KIZ: variants seen among roughly 807,000 people sequenced by gnomAD.
KIZ encodes the protein kizuna centrosomal protein, also known as centrosomal protein kizuna.
KIZ carries 68 observed loss-of-function variants against 79.6 expected under a neutral mutation model. That is an observed-to-expected ratio of 0.85 (90% CI 0.70 to 1.05). KIZ has a LOEUF of 1.05. KIZ is among the 50% of genes least tolerant of loss of function. The pLI is 0.00. For missense variants in KIZ, 797 were observed against 800.4 expected, an observed-to-expected ratio of 1.00 and a Z score of 0.05; for synonymous variants, 280 against 281.8, an observed-to-expected ratio of 0.99 and a Z score of 0.06.
intron 7 of KIZ, among the ~76,000 whole-genome samples, chr20:21,212,553 G>A (rs946636152): frequency 6.6e-6 from 1 of 152,172 alleles, no homozygotes; most frequent in Non-Finnish European, 1.5e-5. Context: ...CAGTAGGTTA[G>A]GTGTGTTAAA....
chr20:21,216,940 T>G (rs2036316720), intron 9 of KIZ, among the ~76,000 whole-genome samples: 2 of 152,188 alleles, frequency 1.3e-5, no homozygotes, highest in Non-Finnish European at 1.5e-5. Context: ...TATACTTTCT[T>G]TATAAGAAAA....
At chr20:21,180,923 C>T (rs568613514) in intron 6 of KIZ, among the ~76,000 whole-genome samples, 15 of 152,300 alleles carry the variant, frequency 9.8e-5, no homozygotes, top group Admixed American at 2.0e-4. Flanking sequence ...AAGCCCTACC[C>T]ATGTCCAGAT....
chr20:21,238,348 A>T (rs117646237), intron 11 of KIZ, among the ~76,000 whole-genome samples: 4 of 82,102 alleles, frequency 4.9e-5, no homozygotes, highest in Admixed American at 2.5e-4. Flanking sequence ...AGAGAGAGAG[A>T]GAGAGTGTGT....
intron 11 of KIZ, among the ~76,000 whole-genome samples, chr20:21,239,279 A>G (rs1294899759): frequency 6.6e-6 from 1 of 152,210 alleles, no homozygotes; most frequent in Non-Finnish European, 1.5e-5. Context: ...CAGCTCACAT[A>G]GCCAGGCACA....
chr20:21,239,713 T>C, intron 11 of KIZ, among the ~76,000 whole-genome samples: 1 of 152,216 alleles, frequency 6.6e-6, no homozygotes, highest in East Asian at 1.9e-4. Context: ...TAATTGTTAC[T>C]GTTTTCCATA....
At chr20:21,187,332 C>T (rs891443848) in intron 6 of KIZ, among the ~76,000 whole-genome samples, 2 of 152,096 alleles carry the variant, frequency 1.3e-5, no homozygotes, top group African/African-American at 4.8e-5. Context: ...AAGTAGACCC[C>T]GAGCAAAGTC....
chr20:21,177,202 C>A (rs1032516850), intron 6 of KIZ, among the ~76,000 whole-genome samples: 1 of 152,182 alleles, frequency 6.6e-6, no homozygotes, highest in Non-Finnish European at 1.5e-5. Context: ...TACACTCCCA[C>A]CAACAGTGTA....
intron 6 of KIZ, among the ~76,000 whole-genome samples, chr20:21,166,767 A>G (rs6035796): frequency 0.58 from 87,788 of 151,554 alleles, 27,044 homozygotes; most frequent in South Asian, 0.78. Context: ...CAATTTTTGT[A>G]TTTTTAGTAG....
At chr20:21,239,068 A>G (rs2037130742) in intron 11 of KIZ, among the ~76,000 whole-genome samples, 1 of 152,234 alleles carries the variant, frequency 6.6e-6, no homozygotes, top group Admixed American at 6.5e-5. Flanking sequence ...GTGCAGTGGC[A>G]CTGCTTACTG....
chr20:21,166,746 C>A, intron 6 of KIZ: 1 of 604,576 alleles, frequency 1.7e-6, no homozygotes, highest in Non-Finnish European at 2.9e-6. Context: ...GCGTGAGCCA[C>A]CGCACCTGGC....
chr20:21,142,505 T>A (rs1031815923), intron 3 of KIZ, among the ~76,000 whole-genome samples: 13 of 152,154 alleles, frequency 8.5e-5, no homozygotes, highest in Non-Finnish European at 1.3e-4. Flanking sequence ...TTGATGATAC[T>A]CTTTATTATA....
At chr20:21,199,753 A>C (rs952444728) in intron 6 of KIZ, among the ~76,000 whole-genome samples, 1 of 152,236 alleles carries the variant, frequency 6.6e-6, no homozygotes, top group East Asian at 1.9e-4. Context: ...CCATTGCAGA[A>C]ACACTGGTTT....
At chr20:21,210,754 A>G (rs2036032847) in intron 7 of KIZ, among the ~76,000 whole-genome samples, 1 of 142,922 alleles carries the variant, frequency 7.0e-6, no homozygotes, top group African/African-American at 2.6e-5. Context: ...GAAACTAGAT[A>G]CTATCAGCTT....
intron 6 of KIZ, chr20:21,198,776 A>G (rs563421786): frequency 6.5e-6 from 1 of 152,762 alleles, no homozygotes; most frequent in Non-Finnish European, 1.5e-5. Context: ...AATGCTGGAA[A>G]TGACCTTCCT....
At chr20:21,177,843 A>G (rs1210859706) in intron 6 of KIZ, among the ~76,000 whole-genome samples, 2 of 152,068 alleles carry the variant, frequency 1.3e-5, no homozygotes, top group African/African-American at 4.8e-5. Flanking sequence ...TCCTTTCCTC[A>G]TCATATATTC....
chr20:21,132,462 G>A (rs6137269), intron 2 of KIZ, among the ~76,000 whole-genome samples: 1 of 152,020 alleles, frequency 6.6e-6, no homozygotes, highest in Non-Finnish European at 1.5e-5. Context: ...TCTATTTTTA[G>A]TAGAGACTGG....
intron 7 of KIZ, among the ~76,000 whole-genome samples, chr20:21,210,135 C>CT (rs1208747732): frequency 6.6e-6 from 1 of 152,174 alleles, no homozygotes; most frequent in Non-Finnish European, 1.5e-5. Flanking sequence ...TGGTAAAACC[C>CT]TGTCTTTACT....
chr20:21,144,008 TAA>T (rs1290924287), intron 3 of KIZ: 1 of 152,242 alleles, frequency 6.6e-6, no homozygotes, highest in Non-Finnish European at 1.5e-5. Flanking sequence ...TTAATTTAGC[TAA>T]AGAGTATCTA....
intron 6 of KIZ, among the ~76,000 whole-genome samples, chr20:21,170,505 C>T (rs2034155743): frequency 6.6e-6 from 1 of 151,892 alleles, no homozygotes; most frequent in African/African-American, 2.4e-5. Flanking sequence ...TCTCCTGCCT[C>T]AGCCTCCCGA....
Sources: allele counts gnomAD v4.1 joint callset (sites outside exome capture counted in the v4.1 genomes callset), GRCh38; gene constraint gnomAD v4.1.1; transcripts MANE v1.5; gene names NCBI Gene and HGNC (gene_info 2026-07-23, HGNC 2026-07-21).